USH2A: variants seen among roughly 807,000 people sequenced by gnomAD.
USH2A encodes Usher syndrome 2A (autosomal recessive, mild).
Under a neutral mutation model 538.9 loss-of-function variants are expected in USH2A, and 443 were observed. That is an observed-to-expected ratio of 0.82 (90% CI 0.76 to 0.89). The LOEUF (loss-of-function observed/expected upper bound fraction) is 0.89, where lower values mean the gene tolerates loss of function less well. USH2A is among the 40% of genes least tolerant of loss of function. The pLI, the probability that USH2A is intolerant of heterozygous loss-of-function variation, is 0.00. For missense variants in USH2A, 6,633 were observed against 6,324.8 expected (o/e 1.05, Z -1.65); for synonymous variants, 2,413 against 2,273.5 (o/e 1.06, Z -1.75).
At chr1:216,382,961 G>A (rs1449269388) in intron 3 of USH2A, among the ~76,000 whole-genome samples, 1 of 151,988 alleles carries the variant, frequency 6.6e-6, no homozygotes, top group Non-Finnish European at 1.5e-5. Flanking sequence ...AAAATTAAGG[G>A]ATTAAAAATA....
intron 66 of USH2A, 49 bp downstream of exon 66, chr1:215,648,479 C>G (rs769996636): frequency 6.3e-7 from 1 of 1,581,612 alleles, no homozygotes; most frequent in Admixed American, 1.7e-5. Flanking sequence ...GTTCATATGT[C>G]TGTACACATG....
At position 216,247,227 on chromosome 1, in the gene USH2A, C is replaced by G. The variant is rs748961218; in HGVS notation, c.2168-1G>C. The G allele has an allele frequency of 8.1e-6, 13 of 1,613,586 alleles. No individual in the cohort carries two copies. The highest frequency in any genetic ancestry group is 1.1e-5 in the Non-Finnish European group (13 of 1,179,850). On this transcript the variant is annotated splice_acceptor_variant, in intron 12 of 71. Transcript: ENST00000307340. LOFTEE classifies it high-confidence loss of function. ...AAATTGCAATGATCACACCTAAGCCCTAAAGATAAAATATATTTAAAAGGT... is the reference window on the plus strand; with the variant it reads ...AAATTGCAATGATCACACCTAAGCCGTAAAGATAAAATATATTTAAAAGGT...
intron 70 of USH2A, among the ~76,000 whole-genome samples, chr1:215,630,424 ATG>A (rs373848356): frequency 2.0e-5 from 3 of 147,850 alleles, no homozygotes; most frequent in South Asian, 2.2e-4. Flanking sequence ...GTGTATATAT[ATG>A]TGTGTGTGTA....
At chr1:216,093,842 G>A (rs559746704) in intron 22 of USH2A, among the ~76,000 whole-genome samples, 1 of 152,230 alleles carries the variant, frequency 6.6e-6, no homozygotes, top group Non-Finnish European at 1.5e-5. Flanking sequence ...TCTTAGCAAA[G>A]TTTCATTGAA....
intron 21 of USH2A, among the ~76,000 whole-genome samples, chr1:216,101,136 A>G (rs181407271): frequency 1.7e-4 from 26 of 152,344 alleles, no homozygotes; most frequent in Admixed American, 1.7e-3. Flanking sequence ...GCACACGTTC[A>G]CTGAAACATA....
At position 216,105,087 on chromosome 1, in the gene USH2A, A is replaced by T. The variant is rs923177708; in HGVS notation, c.4628-7874T>A. 4.9e-4 allele frequency among the ~76,000 whole-genome samples: 74 copies of T among 152,200 alleles called. 1 individual carries two copies. Among genetic ancestry groups the T allele is most frequent in the Admixed American group, 3.5e-3 (53 of 15,284 alleles). Reference sequence around the variant, plus strand: ...CTCTTCATCACTGGCCATCAGAGAAATGCAAATCAAAACCATAATGAGATA... The same window carrying T: ...CTCTTCATCACTGGCCATCAGAGAATTGCAAATCAAAACCATAATGAGATA... On this transcript the variant is annotated intron_variant, in intron 21 of 71. Coordinates refer to ENST00000307340, the MANE Select transcript of USH2A (RefSeq NM_206933.4).
intron 46 of USH2A, among the ~76,000 whole-genome samples, chr1:215,840,564 C>T (rs1296732414): frequency 6.6e-6 from 1 of 152,176 alleles, no homozygotes; most frequent in Non-Finnish European, 1.5e-5. Context: ...TTTATACCTA[C>T]TGGCTTGAGT....
At chr1:216,140,081 C>T (rs2033571251) in intron 21 of USH2A, among the ~76,000 whole-genome samples, 1 of 152,148 alleles carries the variant, frequency 6.6e-6, no homozygotes, top group African/African-American at 2.4e-5. Flanking sequence ...TATCTTTAAT[C>T]CTTATCAAAT....
chr1:215,817,066 G>A lies in USH2A; in HGVS notation c.9501C>T (p.Leu3167=), dbSNP rs780257791. The part of the protein sequence containing the change: ...QKLVQDQSDE[L]CKAVRCQKPE... The stretch of plus-strand genomic sequence containing the variant: ...GTTTTTGACACCTCACTGCCTTGCA[G>A]AGCTCATCACTCTGATCCTGCACTA... Residue 3167 remains leucine (L), a synonymous_variant, in exon 48 of 72, where the codon CTC becomes CTT. Transcript: ENST00000307340. 8 of 1,612,828 alleles carry A rather than the reference G, an allele frequency of 5.0e-6. No individual in the cohort carries two copies. Among genetic ancestry groups the A allele is most frequent in the Non-Finnish European group, 6.8e-6 (8 of 1,179,100 alleles).
chr1:216,321,186 C>T (rs1359304246), intron 9 of USH2A, among the ~76,000 whole-genome samples: 1 of 152,096 alleles, frequency 6.6e-6, no homozygotes, highest in Non-Finnish European at 1.5e-5. Context: ...ATATTATCTA[C>T]TCTCATTATT....
intron 15 of USH2A, 44 bp downstream of exon 15, chr1:216,217,343 A>G: frequency 6.2e-7 from 1 of 1,608,682 alleles, no homozygotes; most frequent in Non-Finnish European, 8.5e-7. Context: ...AGTCCCCTGT[A>G]TGATGCTGCT....
chr1:215,751,925 G>A (rs1660633614), intron 58 of USH2A, among the ~76,000 whole-genome samples: 1 of 152,064 alleles, frequency 6.6e-6, no homozygotes, highest in African/African-American at 2.4e-5. Context: ...CAAGGCCAGA[G>A]GACAACTAAA....
chr1:215,675,145 C>A lies in USH2A; in HGVS notation c.12766G>T (p.Val4256Leu), dbSNP rs760644887. Reference protein sequence around the residue: ...AGHTCSSWNVVRTLQAPPEGL... With the variant: ...AGHTCSSWNVLRTLQAPPEGL... ...TCTGGAGGTGCTTGCAATGTCCTCA[C>A]CACATTCCAAGAGCTACAGGTATGC... The change falls in exon 63 of 72, where the codon GTG becomes TTG. Residue 4256 changes from valine (V) to leucine (L), a missense_variant. Val to Leu is a conservative substitution (Grantham distance 32). Coordinates refer to ENST00000307340, the MANE Select transcript of USH2A (RefSeq NM_206933.4). 1.9e-6 allele frequency: 3 copies of A among 1,613,952 alleles called. No homozygotes were observed. The highest frequency in any genetic ancestry group is 1.1e-5 in the South Asian group (1 of 91,090).
intron 4 of USH2A, among the ~76,000 whole-genome samples, chr1:216,333,160 T>A (rs2102667487): frequency 6.6e-6 from 1 of 152,030 alleles, no homozygotes; most frequent in East Asian, 1.9e-4. Flanking sequence ...TAGAAAATTT[T>A]TAGCCAGGCA....
intron 36 of USH2A, among the ~76,000 whole-genome samples, chr1:215,967,028 T>C (rs1667363196): frequency 6.6e-6 from 1 of 152,210 alleles, no homozygotes; most frequent in East Asian, 1.9e-4. Flanking sequence ...TTTATCTACC[T>C]TGCTGTAAAA....
chr1:216,106,911 T>A (rs1274037601), intron 21 of USH2A, among the ~76,000 whole-genome samples: 1 of 151,938 alleles, frequency 6.6e-6, no homozygotes, highest in Non-Finnish European at 1.5e-5. Flanking sequence ...TAATTTGAAG[T>A]ATTTAGAAAA....
At chr1:216,020,210 T>C (rs1668816345) in intron 32 of USH2A, among the ~76,000 whole-genome samples, 1 of 152,232 alleles carries the variant, frequency 6.6e-6, no homozygotes, top group African/African-American at 2.4e-5. Flanking sequence ...CTGTGATGGT[T>C]ACTTTTGTGT....
chr1:216,248,775 A>T (rs986324680), intron 12 of USH2A, among the ~76,000 whole-genome samples: 8 of 152,122 alleles, frequency 5.3e-5, no homozygotes, highest in Admixed American at 2.0e-4. Context: ...AAATATGCAC[A>T]GTGCTTATTT....
intron 9 of USH2A, among the ~76,000 whole-genome samples, chr1:216,294,158 T>C (rs1296464340): frequency 6.6e-6 from 1 of 152,206 alleles, no homozygotes; most frequent in Non-Finnish European, 1.5e-5. Flanking sequence ...ATACAATTTA[T>C]GGACAAAGCA....
Sources: allele counts gnomAD v4.1 joint callset (sites outside exome capture counted in the v4.1 genomes callset), GRCh38; gene constraint gnomAD v4.1.1; transcripts MANE v1.5; gene names NCBI Gene and HGNC (gene_info 2026-07-23, HGNC 2026-07-21).